Variants in FBXO15 observed in about 807,000 individuals in gnomAD.
FBXO15 encodes F-box protein 15.
Under a neutral mutation model 49.5 loss-of-function variants are expected in FBXO15, and 30 were observed. That is an observed-to-expected ratio of 0.61 (90% CI 0.45 to 0.82). The LOEUF (loss-of-function observed/expected upper bound fraction) is 0.82, where lower values mean the gene tolerates loss of function less well. Ranked by LOEUF, FBXO15 falls within the 40% of genes least tolerant of loss-of-function variation. FBXO15 has a pLI of 0.00. For missense variants in FBXO15, 591 were observed against 631.5 expected (o/e 0.94, Z 0.69); for synonymous variants, 250 against 232.7 (o/e 1.07, Z -0.68).
intron 8 of FBXO15, among the ~76,000 whole-genome samples, chr18:74,107,177 A>C (rs574195047): frequency 6.8e-6 from 1 of 147,744 alleles, no homozygotes; most frequent in East Asian, 2.0e-4. Flanking sequence ...TTTATGGGGT[A>C]CACAGTGATA....
chr18:74,092,097 G>T (rs1464895647), intron 8 of FBXO15, among the ~76,000 whole-genome samples: 3 of 151,202 alleles, frequency 2.0e-5, no homozygotes, highest in African/African-American at 7.4e-5. Flanking sequence ...CCTTATTTTT[G>T]TCTGACTGAG....
At chr18:74,124,468 C>T in intron 7 of FBXO15, 21 bp downstream of exon 7, 2 of 1,596,432 alleles carry the variant, frequency 1.3e-6, no homozygotes, top group Non-Finnish European at 1.7e-6. Flanking sequence ...AAATTCAACA[C>T]ACCCACATAT....
chr18:74,115,832 T>G (rs1276610220), intron 8 of FBXO15, among the ~76,000 whole-genome samples: 1 of 152,198 alleles, frequency 6.6e-6, no homozygotes, highest in Non-Finnish European at 1.5e-5. Flanking sequence ...ACAAAAATAA[T>G]TTGACAGAAA....
chr18:74,117,034 C>A (rs781216269), intron 8 of FBXO15, among the ~76,000 whole-genome samples: 5 of 152,118 alleles, frequency 3.3e-5, no homozygotes, highest in South Asian at 2.1e-4. Context: ...GATTTATACC[C>A]AAACGCAATG....
intron 9 of FBXO15, among the ~76,000 whole-genome samples, chr18:74,078,119 G>A (rs976295722): frequency 6.6e-6 from 1 of 152,264 alleles, no homozygotes; most frequent in South Asian, 2.1e-4. Flanking sequence ...GTCGGTGGGT[G>A]TCTCAGTCTT....
chr18:74,080,785 C>CT (rs962665568), intron 9 of FBXO15, among the ~76,000 whole-genome samples: 46 of 152,142 alleles, frequency 3.0e-4, no homozygotes, highest in African/African-American at 1.1e-3. Context: ...CTACATTTCC[C>CT]TTTTTTCTCC....
At chr18:74,101,966 A>C (rs1195340303) in intron 8 of FBXO15, among the ~76,000 whole-genome samples, 3 of 152,192 alleles carry the variant, frequency 2.0e-5, no homozygotes, top group Non-Finnish European at 4.4e-5. Context: ...AAATCAACTC[A>C]AGATGAATCA....
At chr18:74,090,855 C>G (rs975781251) in intron 8 of FBXO15, among the ~76,000 whole-genome samples, 1 of 152,124 alleles carries the variant, frequency 6.6e-6, no homozygotes, top group African/African-American at 2.4e-5. Flanking sequence ...ATATGCCATG[C>G]ACAGATGAGA....
chr18:74,101,271 G>A (rs191340787), intron 8 of FBXO15, among the ~76,000 whole-genome samples: 6 of 152,210 alleles, frequency 3.9e-5, no homozygotes, highest in Admixed American at 3.3e-4. Context: ...GCCAATAAAT[G>A]TGATACACCA....
intron 9 of FBXO15, among the ~76,000 whole-genome samples, chr18:74,080,452 C>T (rs1912441008): frequency 6.6e-6 from 1 of 152,240 alleles, no homozygotes; most frequent in South Asian, 2.1e-4. Flanking sequence ...GAAAACTGTC[C>T]AGGGACATGC....
At chr18:74,087,836 G>C (rs545419840) in intron 8 of FBXO15, among the ~76,000 whole-genome samples, 56 of 152,296 alleles carry the variant, frequency 3.7e-4, no homozygotes, top group African/African-American at 1.3e-3. Context: ...CACCAGCAGT[G>C]TATAAGTGTT....
chr18:74,073,850 C>T (rs1187250174), intron 9 of FBXO15, 120 bp from the exon 10 acceptor site: 29 of 1,273,148 alleles, frequency 2.3e-5, no homozygotes, highest in Non-Finnish European at 3.0e-5. Flanking sequence ...ATCCAGAATA[C>T]TATCATTGGT....
chr18:74,082,290 G>A (rs1480263566), intron 8 of FBXO15, among the ~76,000 whole-genome samples: 1 of 152,200 alleles, frequency 6.6e-6, no homozygotes, highest in Non-Finnish European at 1.5e-5. Flanking sequence ...TGAGTCAGGG[G>A]AAGCTGGCTG....
At chr18:74,128,045 T>A (rs1464286475) in intron 5 of FBXO15, among the ~76,000 whole-genome samples, 1 of 152,224 alleles carries the variant, frequency 6.6e-6, no homozygotes, top group African/African-American at 2.4e-5. Context: ...GCTTCCTTCA[T>A]GATCCCGTAT....
chr18:74,121,003 T>C (rs528104671), intron 8 of FBXO15, among the ~76,000 whole-genome samples: 256 of 152,194 alleles, frequency 1.7e-3, no homozygotes, highest in African/African-American at 5.3e-3. Flanking sequence ...CTAGATTCTA[T>C]AGACATGAAA....
chr18:74,129,635 T>C (rs1978314669), intron 4 of FBXO15, 21 bp from the exon 5 acceptor site: 2 of 1,547,382 alleles, frequency 1.3e-6, no homozygotes, highest in Non-Finnish European at 1.8e-6. Flanking sequence ...AAAAAAAAAC[T>C]AACAATGTTT....
At chr18:74,080,640 T>C (rs1180432312) in intron 9 of FBXO15, among the ~76,000 whole-genome samples, 3 of 152,380 alleles carry the variant, frequency 2.0e-5, no homozygotes, top group South Asian at 2.1e-4. Flanking sequence ...CTATGAGAAA[T>C]CTGTGAGTGC....
intron 2 of FBXO15, among the ~76,000 whole-genome samples, chr18:74,139,462 A>G (rs1179293168): frequency 6.6e-6 from 1 of 152,256 alleles, no homozygotes; most frequent in Non-Finnish European, 1.5e-5. Flanking sequence ...TTAATGAAAT[A>G]TCCTTTCTGG....
At chr18:74,111,658 T>G (rs931692599) in intron 8 of FBXO15, among the ~76,000 whole-genome samples, 7 of 150,496 alleles carry the variant, frequency 4.7e-5, no homozygotes, top group Admixed American at 3.3e-4. Context: ...AAATCCAAAC[T>G]AAGAAGAAAA....
Sources: gnomAD v4.1 joint callset for allele counts (sites outside exome capture counted in the v4.1 genomes callset) on GRCh38, gnomAD v4.1.1 for gene constraint, MANE v1.5 for transcripts, NCBI Gene and HGNC (gene_info 2026-07-23, HGNC 2026-07-21) for gene names.